Variants in PLXNA1 observed in about 807,000 individuals in gnomAD.
The protein encoded by PLXNA1 is plexin A1, also known as plexin-A1.
Under a neutral mutation model 191.7 loss-of-function variants are expected in PLXNA1, and 77 were observed. The ratio of observed to expected loss-of-function variants is 0.40; its 90% CI spans 0.33 to 0.49. The LOEUF (loss-of-function observed/expected upper bound fraction) is 0.49, where lower values mean the gene tolerates loss of function less well. Among genes scored for constraint, PLXNA1 ranks in the 20% least tolerant of loss-of-function variants. The probability of loss-of-function intolerance (pLI) is 0.63; values close to 1 mark genes in which losing one functional copy is unlikely to be tolerated. For synonymous variants in PLXNA1, 1,137 were observed against 1,156.4 expected (o/e 0.98, Z 0.34); for missense variants, 2,110 against 2,660.2 (o/e 0.79, Z 4.55).
chr3:126,987,339 G>A (rs866812731), intron 1 of PLXNA1, among the ~76,000 whole-genome samples: 7 of 152,210 alleles, frequency 4.6e-5, no homozygotes, highest in Admixed American at 2.6e-4. Flanking sequence ...GGGGACTCCC[G>A]CCAGGATCTG....
intron 23 of PLXNA1, chr3:127,027,401 C>T: frequency 2.8e-6 from 1 of 357,742 alleles, no homozygotes; most frequent in Middle Eastern, 1.0e-3. Context: ...CATGACACAC[C>T]ATAGTTGTGT....
At position 127,035,270 on chromosome 3, in the gene PLXNA1, C is replaced by T. The variant is rs951125684; in HGVS notation, c.*1253C>T. ...ATATATGTGGCTCTAGCCTCAGGCT[C>T]CAGCCCCAGTGGGGTACTGTACAGT... On this transcript the variant is annotated 3_prime_UTR_variant, in exon 32 of 32. Transcript: ENST00000393409. The T allele has an allele frequency of 6.6e-6, 1 of 152,178 alleles. No homozygotes were observed. Among genetic ancestry groups the T allele is most frequent in the Admixed American group, 6.5e-5 (1 of 15,278 alleles). 9.4% of individuals were successfully genotyped at this position (152,178 alleles called of 1,614,324 possible). A position where few individuals can be genotyped will look rare whatever the true frequency, so the allele number is the denominator to read the frequency against.
In PLXNA1 at chr3:127,020,227, C is replaced by T. The variant is rs1470336344; in HGVS notation, c.3921C>T (p.Ile1307=). The T allele has an allele frequency of 6.2e-7, 1 of 1,613,132 alleles. No individual in the cohort carries two copies. Reference sequence around the variant, plus strand: ...CCTTTGCAGAGCTGCAGACAGACATCCACGAGCTGACCAATGACCTGGACG... The same window carrying T: ...CCTTTGCAGAGCTGCAGACAGACATTCACGAGCTGACCAATGACCTGGACG... ...KEAFAELQTD[I]HELTNDLDGA... Residue 1307 remains isoleucine, a synonymous_variant, in exon 21 of 32, where the codon ATC becomes ATT. Coordinates refer to ENST00000393409, the MANE Select transcript of PLXNA1 (RefSeq NM_032242.4).
intron 8 of PLXNA1, among the ~76,000 whole-genome samples, chr3:127,006,618 G>A (rs1378467772): frequency 1.3e-5 from 2 of 152,172 alleles, no homozygotes; most frequent in African/African-American, 4.8e-5. Flanking sequence ...GCTGGTTTGG[G>A]GGCCTGAGCA....
chr3:127,011,987 G>A lies in PLXNA1; in HGVS notation c.2142G>A (p.Gln714=), dbSNP rs2079097967. 2 of 1,613,636 alleles carry A rather than the reference G, an allele frequency of 1.2e-6. No individual in the cohort carries two copies. The highest frequency in any genetic ancestry group is 1.7e-6 in the Non-Finnish European group (2 of 1,179,994). The change falls in exon 10 of 32, where the codon CAG becomes CAA. Residue 714 remains glutamine, a synonymous_variant. Transcript: ENST00000393409. ...EDCPQILPST[Q]IYVPVGVVKP... is the part of the protein sequence containing the mutation. ...GCCCACAGATCCTGCCCTCCACGCA[G>A]ATCTACGTGCCAGTGGGAGTGGTAA...
intron 26 of PLXNA1, 103 bp from the exon 27 acceptor site, chr3:127,029,337 G>T: frequency 1.8e-6 from 2 of 1,105,988 alleles, no homozygotes; most frequent in Non-Finnish European, 2.8e-6. Flanking sequence ...CTGCCTCCAG[G>T]CACAGCACTA....
intron 3 of PLXNA1, among the ~76,000 whole-genome samples, chr3:126,995,436 G>A (rs766020594): frequency 2.0e-5 from 3 of 152,234 alleles, no homozygotes; most frequent in Non-Finnish European, 2.9e-5. Flanking sequence ...CCTGCAGAGC[G>A]GGTGCTGTCC....
intron 16 of PLXNA1, 121 bp from the exon 17 acceptor site, chr3:127,016,823 C>T: frequency 7.2e-7 from 1 of 1,385,158 alleles, no homozygotes; most frequent in Non-Finnish European, 1.0e-6. Context: ...TTGCCAAGAG[C>T]TTTTACCTGT....
In PLXNA1 at chr3:127,014,559, G is replaced by T; in HGVS notation, c.2686G>T (p.Val896Leu). Residue 896 changes from valine (V) to leucine (L), a missense_variant, in exon 13 of 32, where the codon GTG becomes TTG. Physicochemically the swap from Val to Leu is conservative, Grantham distance 32. Transcript: ENST00000393409. Reference sequence around the variant, plus strand: ...GAACCTGGGCCTGCGATTCGAAGACGTGCGTCTGGGCGTGCGCGTGGGCAA... The same window carrying T: ...GAACCTGGGCCTGCGATTCGAAGACTTGCGTCTGGGCGTGCGCGTGGGCAA... Reference protein sequence around the residue: ...GENLGLRFEDVRLGVRVGKVL... With the variant: ...GENLGLRFEDLRLGVRVGKVL... 1.2e-6 allele frequency: 2 copies of T among 1,612,538 alleles called. No homozygotes were observed. The highest frequency in any genetic ancestry group is 1.7e-6 in the Non-Finnish European group (2 of 1,179,870).
intron 3 of PLXNA1, among the ~76,000 whole-genome samples, chr3:126,995,577 C>T (rs190855664): frequency 5.3e-4 from 81 of 152,394 alleles, no homozygotes; most frequent in African/African-American, 1.9e-3. Flanking sequence ...CCAGCCTGCC[C>T]ATTCAGGGAA....
intron 23 of PLXNA1, 197 bp from the exon 24 acceptor site, chr3:127,027,743 G>C (rs1008954020): frequency 1.4e-6 from 1 of 739,510 alleles, no homozygotes; most frequent in Non-Finnish European, 2.4e-6. Flanking sequence ...GGGATGGTGG[G>C]TATGTTTTGT....
intron 3 of PLXNA1, among the ~76,000 whole-genome samples, chr3:127,000,738 G>A (rs1343623359): frequency 6.6e-6 from 1 of 152,226 alleles, no homozygotes; most frequent in Non-Finnish European, 1.5e-5. Flanking sequence ...ATGTCCTGGG[G>A]ACCATTGTCC....
chr3:126,991,555 C>G lies in PLXNA1; in HGVS notation c.1366C>G (p.Arg456Gly). Residue 456 changes from arginine (R) to glycine (G), a missense_variant, in exon 3 of 32, where the codon CGC becomes GGC. Transcript: ENST00000393409. Reference sequence around the variant, plus strand: ...GGTATTCGCCGGCACGCGAAGTGGCCGCATCCGCAAGGTCAGGCCTGGGTG... The same window carrying G: ...GGTATTCGCCGGCACGCGAAGTGGCGGCATCCGCAAGGTCAGGCCTGGGTG... ...TVVFAGTRSGRIRKILVDLSN... is the reference protein window; with the variant it reads ...TVVFAGTRSGGIRKILVDLSN... 3.2e-6 allele frequency: 5 copies of G among 1,575,370 alleles called. No individual in the cohort carries two copies. The East Asian group carries it at 1.1e-4, about 36-fold the overall frequency.
At chr3:127,026,139 G>A (rs751386960) in intron 23 of PLXNA1, among the ~76,000 whole-genome samples, 3 of 152,186 alleles carry the variant, frequency 2.0e-5, no homozygotes, top group Non-Finnish European at 4.4e-5. Context: ...GTCACTGCAC[G>A]AGAGATTGAG....
At chr3:126,984,058 C>CGAG (rs2078945391) in intron 1 of PLXNA1, among the ~76,000 whole-genome samples, 1 of 152,196 alleles carries the variant, frequency 6.6e-6, no homozygotes, top group African/African-American at 2.4e-5. Flanking sequence ...CCGGAGGCTT[C>CGAG]CGATTGCTTC....
chr3:127,021,330 G>T (rs916266633), intron 21 of PLXNA1, among the ~76,000 whole-genome samples: 5 of 152,136 alleles, frequency 3.3e-5, no homozygotes, highest in African/African-American at 1.2e-4. Context: ...TGTATGTTCT[G>T]CCTGGGCCAT....
chr3:126,989,186 TC>T lies in PLXNA1; in HGVS notation c.597del (p.Thr200HisfsTer64). On this transcript the variant is annotated frameshift_variant, in exon 2 of 32. Transcript: ENST00000393409. LOFTEE classifies it high-confidence loss of function. ...CCCATCGATGGCAAGTCCGAGTACTTCCCCACACTGTCCAGCCGTCGGCTCA... is the reference window on the plus strand; with the variant it reads ...CCCATCGATGGCAAGTCCGAGTACTTCCCACACTGTCCAGCCGTCGGCTCA... Reference protein sequence around the residue: ...GTPIDGKSEYFPTLSSRRLMA... With the variant: ...GTPIDGKSEYXPTLSSRRLMA... 1 of 1,613,526 alleles carries T rather than the reference TC, an allele frequency of 6.2e-7. No individual in the cohort carries two copies. The highest frequency in any genetic ancestry group is 1.1e-5 in the South Asian group (1 of 91,082).
chr3:127,019,248 C>G (rs888388586), intron 20 of PLXNA1, among the ~76,000 whole-genome samples: 2 of 150,970 alleles, frequency 1.3e-5, no homozygotes, highest in African/African-American at 4.8e-5. Context: ...TGGGACTCAA[C>G]TGGGATGGGG....
At chr3:126,996,666 C>G (rs1304672237) in intron 3 of PLXNA1, among the ~76,000 whole-genome samples, 2 of 152,188 alleles carry the variant, frequency 1.3e-5, no homozygotes, top group African/African-American at 2.4e-5. Context: ...CCCCCAGCCC[C>G]TTAGCCGTGG....
Sources: gnomAD v4.1 joint callset for allele counts (sites outside exome capture counted in the v4.1 genomes callset) on GRCh38, gnomAD v4.1.1 for gene constraint, MANE v1.5 for transcripts, NCBI Gene and HGNC (gene_info 2026-07-23, HGNC 2026-07-21) for gene names.